Variants in PTPRN2 observed in about 807,000 individuals in gnomAD.
PTPRN2 encodes the protein protein tyrosine phosphatase receptor type N2, also known as receptor-type tyrosine-protein phosphatase N2.
A neutral mutation model predicts 118.8 loss-of-function variants in PTPRN2; 74 were observed. The ratio of observed to expected loss-of-function variants is 0.62; its 90% CI spans 0.52 to 0.76. The LOEUF (loss-of-function observed/expected upper bound fraction) is 0.76. Ranked by LOEUF, PTPRN2 falls within the 30% of genes least tolerant of loss-of-function variation. PTPRN2 has a pLI of 0.00. For synonymous variants in PTPRN2, 641 were observed against 608.0 expected, an observed-to-expected ratio of 1.05 and a Z score of -0.80; for missense variants, 1,481 against 1,394.4, an observed-to-expected ratio of 1.06 and a Z score of -0.99.
At chr7:158,125,141 C>A (rs927447195) in intron 9 of PTPRN2, among the ~76,000 whole-genome samples, 1 of 152,066 alleles carries the variant, frequency 6.6e-6, no homozygotes, top group Admixed American at 6.5e-5. Context: ...CATGGCCACC[C>A]CCCTGCCTCA....
chr7:157,932,104 T>C (rs1234206444), intron 11 of PTPRN2, among the ~76,000 whole-genome samples: 1 of 152,234 alleles, frequency 6.6e-6, no homozygotes, highest in Non-Finnish European at 1.5e-5. Flanking sequence ...ATATTTGTGC[T>C]TTATTATTCT....
chr7:158,005,075 A>ACT (rs1805546106), intron 11 of PTPRN2, among the ~76,000 whole-genome samples: 1 of 140,284 alleles, frequency 7.1e-6, no homozygotes, highest in Non-Finnish European at 1.5e-5. Context: ...TGTGGCCACT[A>ACT]TTTTTTTTTT....
At chr7:157,683,096 G>C (rs1006349133) in intron 12 of PTPRN2, among the ~76,000 whole-genome samples, 159 bp from the exon 13 acceptor site, 1 of 152,354 alleles carries the variant, frequency 6.6e-6, no homozygotes, top group African/African-American at 2.4e-5. Context: ...AACAACCCCC[G>C]TCAAAGGAGA....
chr7:158,265,655 G>A (rs971858479), intron 3 of PTPRN2, among the ~76,000 whole-genome samples: 3 of 152,238 alleles, frequency 2.0e-5, no homozygotes, highest in African/African-American at 7.2e-5. Flanking sequence ...TGCCTCAGCA[G>A]GAGGCCTGGC....
intron 12 of PTPRN2, among the ~76,000 whole-genome samples, chr7:157,853,801 T>C (rs981438576): frequency 2.6e-5 from 4 of 152,200 alleles, no homozygotes; most frequent in African/African-American, 9.6e-5. Context: ...GCCCAGTACC[T>C]GTGGACGTGA....
intron 3 of PTPRN2, among the ~76,000 whole-genome samples, chr7:158,316,536 C>T (rs989765513): frequency 2.0e-5 from 3 of 152,200 alleles, no homozygotes; most frequent in Non-Finnish European, 4.4e-5. Context: ...AAGCAGCCGA[C>T]GCCTGCCTAC....
chr7:158,110,347 C>G (rs1444880305), intron 10 of PTPRN2, among the ~76,000 whole-genome samples: 1 of 152,232 alleles, frequency 6.6e-6, no homozygotes, highest in East Asian at 1.9e-4. Flanking sequence ...CCACAACTCT[C>G]TAAACCAGGT....
intron 3 of PTPRN2, among the ~76,000 whole-genome samples, chr7:158,235,974 T>G (rs1829507761): frequency 6.6e-6 from 1 of 152,094 alleles, no homozygotes; most frequent in Non-Finnish European, 1.5e-5. Flanking sequence ...AAACCACCAT[T>G]ACGGGCTGCT....
At position 157,964,064 on chromosome 7, in the gene PTPRN2, A is replaced by T. The variant is rs1475876570; in HGVS notation, c.1724-65327T>A. ...TTTTAATAAAGATTATTCCCAATAGATCTTAGTCTTCATCTGTAAGAGGCT... is the reference window on the plus strand; with the variant it reads ...TTTTAATAAAGATTATTCCCAATAGTTCTTAGTCTTCATCTGTAAGAGGCT... On this transcript the variant is annotated intron_variant, in intron 11 of 22. Transcript: ENST00000389418. This position sits in a 1 kb window ranked among gnomAD's most constrained non-coding sequence, Gnocchi z 9.0. 6.6e-6 allele frequency among the ~76,000 whole-genome samples: 1 copy of T among 152,064 alleles called. No individual in the cohort carries two copies. The highest frequency in any genetic ancestry group is 1.5e-5 in the Non-Finnish European group (1 of 68,022).
chr7:158,459,249 C>A (rs982709947), intron 2 of PTPRN2, among the ~76,000 whole-genome samples: 4 of 151,978 alleles, frequency 2.6e-5, no homozygotes, highest in Non-Finnish European at 4.4e-5. Context: ...AATCCAGAGC[C>A]CCCACTGCCT....
At chr7:157,809,012 G>A (rs1805805043) in intron 12 of PTPRN2, among the ~76,000 whole-genome samples, 1 of 152,214 alleles carries the variant, frequency 6.6e-6, no homozygotes, top group Non-Finnish European at 1.5e-5. Flanking sequence ...ACCTCCCGAA[G>A]TGTGCTGTGT....
intron 17 of PTPRN2, among the ~76,000 whole-genome samples, chr7:157,594,308 C>A (rs1424179505): frequency 6.6e-6 from 1 of 152,358 alleles, no homozygotes; most frequent in South Asian, 2.1e-4. Flanking sequence ...AGTGAATTTA[C>A]CAACTCCGGT....
At chr7:158,507,116 C>A (rs1272535178) in intron 1 of PTPRN2, among the ~76,000 whole-genome samples, 1 of 152,234 alleles carries the variant, frequency 6.6e-6, no homozygotes, top group Non-Finnish European at 1.5e-5. Context: ...TGGGTCAGAA[C>A]AGGCATCCAT....
chr7:158,407,690 G>GGTCCTGGGTCCTGT (rs1563255785), intron 2 of PTPRN2, among the ~76,000 whole-genome samples: 1 of 99,286 alleles, frequency 1.0e-5, no homozygotes, highest in Non-Finnish European at 2.1e-5. Flanking sequence ...CTGGGTCCTG[G>GGTCCTGGGTCCTGT]GTCCTGCGTC....
At chr7:158,411,949 A>G (rs1814130548) in intron 2 of PTPRN2, among the ~76,000 whole-genome samples, 1 of 151,928 alleles carries the variant, frequency 6.6e-6, no homozygotes, top group African/African-American at 2.4e-5. Context: ...GCCAGGGCCC[A>G]TCGCAGCACC....
In PTPRN2 at chr7:157,821,906, A is replaced by T. The variant is rs113535652; in HGVS notation, c.1788+76767T>A. Among the ~76,000 whole-genome samples the T allele has an allele frequency of 3.9e-3, 600 of 152,076 alleles. 3 individuals carry two copies. Among genetic ancestry groups the T allele is most frequent in the African/African-American group, 0.014 (567 of 41,476 alleles). ...TAGGAAGCCATTCATCCATCCAGGCACTCATTCATCCATCTATATATACAC... is the reference window on the plus strand; with the variant it reads ...TAGGAAGCCATTCATCCATCCAGGCTCTCATTCATCCATCTATATATACAC... On this transcript the variant is annotated intron_variant, in intron 12 of 22. Transcript: ENST00000389418.
intron 4 of PTPRN2, among the ~76,000 whole-genome samples, chr7:158,202,174 T>TA (rs903705442): frequency 3.9e-5 from 6 of 152,080 alleles, no homozygotes; most frequent in Non-Finnish European, 5.9e-5. Context: ...AGAACATTCC[T>TA]AAAAAATATA....
At chr7:158,284,693 G>C (rs1004500466) in intron 3 of PTPRN2, among the ~76,000 whole-genome samples, 1 of 152,096 alleles carries the variant, frequency 6.6e-6, no homozygotes, top group Non-Finnish European at 1.5e-5. Context: ...TCCCACCTCT[G>C]TCCCCTCTAC....
At chr7:157,566,871 G>T (rs533518791) in intron 21 of PTPRN2, among the ~76,000 whole-genome samples, 2 of 152,220 alleles carry the variant, frequency 1.3e-5, no homozygotes, top group Non-Finnish European at 2.9e-5. Flanking sequence ...GCACGCTGGG[G>T]TCACCTGCGT....
Sources: gnomAD v4.1 joint callset for allele counts (sites outside exome capture counted in the v4.1 genomes callset) on GRCh38, gnomAD v4.1.1 for gene constraint, Gnocchi (gnomAD v3.1) non-coding constraint, MANE v1.5 for transcripts, NCBI Gene and HGNC (gene_info 2026-07-23, HGNC 2026-07-21) for gene names.